The following KIF3C variants were observed in gnomAD, a reference collection of about 807,000 sequenced individuals.
KIF3C encodes kinesin-like protein KIF3C.
In KIF3C, 12 loss-of-function variants were observed where a neutral mutation model predicts 67.7. That is an observed-to-expected ratio of 0.18 (90% CI 0.11 to 0.29). The LOEUF (loss-of-function observed/expected upper bound fraction) is 0.29. Among genes scored for constraint, KIF3C ranks in the 10% least tolerant of loss-of-function variants. The pLI, the probability that KIF3C is intolerant of heterozygous loss-of-function variation, is 1.00. For synonymous variants in KIF3C, 393 were observed against 426.2 expected (o/e 0.92, Z 0.96); for missense variants, 789 against 1,059.6 (o/e 0.74, Z 3.55).
chr2:25,973,187 TC>T (rs904903232), intron 1 of KIF3C, among the ~76,000 whole-genome samples: 75 of 152,244 alleles, frequency 4.9e-4, no homozygotes, highest in African/African-American at 1.8e-3. Context: ...CCACTGACAT[TC>T]GGTCTCTCCT....
At chr2:25,964,064 T>C (rs1664079377) in intron 1 of KIF3C, among the ~76,000 whole-genome samples, 1 of 152,120 alleles carries the variant, frequency 6.6e-6, no homozygotes, top group Non-Finnish European at 1.5e-5. Flanking sequence ...TCCCAACACT[T>C]TCGGAGACCT....
Position 25,929,993 on chromosome 2 carries a change from G to A in KIF3C, c.2077C>T (p.Arg693Trp). Residue 693 changes from arginine (R) to tryptophan (W), a missense_variant, in exon 6 of 8, where the codon CGG (arginine) becomes TGG (tryptophan). Transcript: ENST00000264712. ...GYKRPISQYA[R>W]VAMAMGSHPR... is the part of the protein sequence containing the mutation. Reference sequence around the variant, plus strand: ...TGGGACCCCATTGCCATGGCAACCCGAGCATACTGGCTGATAGGCCTCTTG... The same window carrying A: ...TGGGACCCCATTGCCATGGCAACCCAAGCATACTGGCTGATAGGCCTCTTG... The A allele has an allele frequency of 1.2e-6, 2 of 1,614,058 alleles. No homozygotes were observed. Among genetic ancestry groups the A allele is most frequent in the Non-Finnish European group, 1.7e-6 (2 of 1,179,938 alleles).
At chr2:25,936,094 A>C (rs3856395) in intron 5 of KIF3C, among the ~76,000 whole-genome samples, 57,368 of 150,770 alleles carry the variant, frequency 0.38, 11,519 homozygotes, top group Non-Finnish European at 0.41. Flanking sequence ...CTCAAAAAAA[A>C]AAAACAAAAC....
chr2:25,941,328 G>T (rs1663279052), intron 5 of KIF3C, among the ~76,000 whole-genome samples: 2 of 151,656 alleles, frequency 1.3e-5, no homozygotes, highest in South Asian at 4.2e-4. Context: ...AAGAAACAAA[G>T]AAAAGAATCT....
At chr2:25,933,546 A>C (rs2090479570) in intron 5 of KIF3C, among the ~76,000 whole-genome samples, 1 of 151,810 alleles carries the variant, frequency 6.6e-6, no homozygotes, top group Non-Finnish European at 1.5e-5. Flanking sequence ...ATGGTAGCAC[A>C]CACCTGTAAT....
chr2:25,951,433 T>C (rs1663609576), intron 5 of KIF3C: 2 of 257,428 alleles, frequency 7.8e-6, no homozygotes, highest in Non-Finnish European at 7.6e-6. Context: ...AAATATTAAC[T>C]GTGGTTGCTA....
chr2:25,938,835 C>G (rs1663209859), intron 5 of KIF3C, among the ~76,000 whole-genome samples: 1 of 152,152 alleles, frequency 6.6e-6, no homozygotes, highest in Non-Finnish European at 1.5e-5. Flanking sequence ...TGCAGTACAT[C>G]TGACGCGTTC....
At chr2:25,929,685 G>A (rs1170026619) in intron 6 of KIF3C, among the ~76,000 whole-genome samples, 3 of 151,220 alleles carry the variant, frequency 2.0e-5, no homozygotes, top group South Asian at 4.2e-4. Flanking sequence ...GTGCAATCTC[G>A]GCTCACTGCA....
At chr2:25,948,847 T>C (rs1023810767) in intron 5 of KIF3C, among the ~76,000 whole-genome samples, 19 of 152,206 alleles carry the variant, frequency 1.2e-4, no homozygotes, top group Non-Finnish European at 2.4e-4. Context: ...ATCATGTGCT[T>C]GAGGCAGTCA....
chr2:25,964,012 T>C (rs1664077461), intron 1 of KIF3C, among the ~76,000 whole-genome samples: 1 of 152,132 alleles, frequency 6.6e-6, no homozygotes, highest in Non-Finnish European at 1.5e-5. Context: ...ATTATTATTT[T>C]AAAAATTTGT....
intron 2 of KIF3C, 48 bp downstream of exon 2, chr2:25,956,295 A>G: frequency 7.2e-7 from 1 of 1,388,428 alleles, no homozygotes; most frequent in Non-Finnish European, 1.0e-6. Context: ...CCCAGACATG[A>G]GCTGCAGGCC....
chr2:25,944,373 G>T lies in KIF3C; in HGVS notation c.2006+7416C>A, dbSNP rs183777567. On this transcript the variant is annotated intron_variant, in intron 5 of 7. Transcript: ENST00000264712. ...TTTTTTTTTTTTTTTTTGAGACAGG[G>T]TCTCACTCTGTTGACCAGGCCAGGT... Among the ~76,000 whole-genome samples the T allele has an allele frequency of 5.1e-3, 744 of 147,086 alleles. 4 individuals carry two copies. Among genetic ancestry groups the T allele is most frequent in the African/African-American group, 0.018 (700 of 39,530 alleles).
At chr2:25,975,756 A>G (rs1664396655) in intron 1 of KIF3C, among the ~76,000 whole-genome samples, 1 of 152,148 alleles carries the variant, frequency 6.6e-6, no homozygotes, top group East Asian at 1.9e-4. Context: ...CAGGAGATCC[A>G]GACCATCTTG....
At chr2:25,954,088 A>C in intron 4 of KIF3C, 179 bp downstream of exon 4, 1 of 643,870 alleles carries the variant, frequency 1.6e-6, no homozygotes, top group East Asian at 2.6e-5. Flanking sequence ...CATCAAATAC[A>C]GGCAGAGGAG....
chr2:25,947,080 G>A (rs753910399), intron 5 of KIF3C, among the ~76,000 whole-genome samples: 4 of 152,110 alleles, frequency 2.6e-5, no homozygotes, highest in South Asian at 2.1e-4. Context: ...GCTTGAATCC[G>A]GGAGGTGGAG....
At chr2:25,943,651 C>A (rs1663352629) in intron 5 of KIF3C, among the ~76,000 whole-genome samples, 1 of 152,124 alleles carries the variant, frequency 6.6e-6, no homozygotes, top group Non-Finnish European at 1.5e-5. Context: ...CGAGACCAGC[C>A]TGACCAACAG....
chr2:25,975,886 A>G (rs566413044), intron 1 of KIF3C, among the ~76,000 whole-genome samples: 2 of 152,148 alleles, frequency 1.3e-5, no homozygotes, highest in South Asian at 2.1e-4. Context: ...TGAACTCAGA[A>G]GGTGGAGCTT....
At chr2:25,978,250 C>T (rs1664467148) in intron 1 of KIF3C, among the ~76,000 whole-genome samples, 2 of 152,304 alleles carry the variant, frequency 1.3e-5, no homozygotes, top group South Asian at 4.1e-4. Flanking sequence ...CTCACTCCAC[C>T]TCCCCAGCCT....
At chr2:25,950,851 C>T (rs1270981832) in intron 5 of KIF3C, among the ~76,000 whole-genome samples, 1 of 147,418 alleles carries the variant, frequency 6.8e-6, no homozygotes, top group Non-Finnish European at 1.5e-5. Flanking sequence ...TAAGTAAAAT[C>T]AGCCTTTAAG....
Sources: allele counts gnomAD v4.1 joint callset (sites outside exome capture counted in the v4.1 genomes callset), GRCh38; gene constraint gnomAD v4.1.1; transcripts MANE v1.5; gene names NCBI Gene and HGNC (gene_info 2026-07-23, HGNC 2026-07-21).